SLC35F4: variants seen among roughly 807,000 people sequenced by gnomAD.
SLC35F4 encodes solute carrier family 35 member F4, also known as chromosome 14 open reading frame 36.
A neutral mutation model predicts 44.2 loss-of-function variants in SLC35F4; 24 were observed. The observed-to-expected ratio is 0.54, with a 90% confidence interval of 0.39 to 0.76. The LOEUF is 0.76. SLC35F4 is among the 30% of genes least tolerant of loss of function. The pLI is 0.00. For synonymous variants in SLC35F4, 238 were observed against 223.6 expected, an observed-to-expected ratio of 1.06 and a Z score of -0.57; for missense variants, 562 against 586.1, an observed-to-expected ratio of 0.96 and a Z score of 0.42.
At chr14:57,887,216 G>A (rs1293936125) in intron 1 of SLC35F4, among the ~76,000 whole-genome samples, 1 of 152,220 alleles carries the variant, frequency 6.6e-6, no homozygotes, top group Non-Finnish European at 1.5e-5. Flanking sequence ...GTAGTGCTAA[G>A]AGAGATGGTT....
chr14:57,645,262 G>A (rs1225323478), intron 1 of SLC35F4, among the ~76,000 whole-genome samples: 1 of 152,172 alleles, frequency 6.6e-6, no homozygotes, highest in Non-Finnish European at 1.5e-5. Flanking sequence ...AGCATGGAAT[G>A]TTCTTCCTTT....
At chr14:57,753,607 TTCAGGGAAACCA>T in intron 1 of SLC35F4, among the ~76,000 whole-genome samples, 1 of 152,274 alleles carries the variant, frequency 6.6e-6, no homozygotes, top group Middle Eastern at 3.4e-3. Flanking sequence ...ACTCTCAAAC[TTCAGGGAAACCA>T]TGTAAAACTC....
intron 1 of SLC35F4, among the ~76,000 whole-genome samples, chr14:57,838,103 C>T (rs1885119182): frequency 6.6e-6 from 1 of 152,098 alleles, no homozygotes; most frequent in African/African-American, 2.4e-5. Flanking sequence ...ATGTCCTTAG[C>T]AACACAGAGG....
At chr14:57,701,978 T>C (rs1259768601) in intron 1 of SLC35F4, among the ~76,000 whole-genome samples, 1 of 152,102 alleles carries the variant, frequency 6.6e-6, no homozygotes, top group Non-Finnish European at 1.5e-5. Flanking sequence ...AGACTAAATA[T>C]GCAATAGTAA....
Position 57,802,908 on chromosome 14 carries a change from A to G in SLC35F4, c.103+62815T>C, listed in dbSNP as rs1467769847. Among the ~76,000 whole-genome samples, 18 of 151,052 alleles carry G rather than the reference A, an allele frequency of 1.2e-4. No individual in the cohort carries two copies. In the East Asian group the frequency reaches 2.4e-3, roughly 20 times the overall value. ...CATTTCTACTGAAACTATTCCAAAA[A>G]GTTGAAAAGGAAGGACTCCTTCTTA... On this transcript the variant is annotated intron_variant, in intron 1 of 7. Coordinates refer to ENST00000556826, the MANE Select transcript of SLC35F4 (RefSeq NM_001306087.2).
chr14:57,763,858 A>G (rs4901814), intron 1 of SLC35F4, among the ~76,000 whole-genome samples: 27,358 of 152,116 alleles, frequency 0.18, 2,581 homozygotes, highest in Middle Eastern at 0.22. Flanking sequence ...TGTTACCAAG[A>G]AGTGTTATCT....
At chr14:57,865,058 A>ACCCC (rs71104589) in intron 1 of SLC35F4, among the ~76,000 whole-genome samples, 13 of 125,112 alleles carry the variant, frequency 1.0e-4, no homozygotes, top group Admixed American at 1.7e-4. Context: ...CCCTTCTCAG[A>ACCCC]CCCCCCCCCC....
At chr14:57,961,041 A>T (rs1890330182) in intron 1 of SLC35F4, among the ~76,000 whole-genome samples, 1 of 152,142 alleles carries the variant, frequency 6.6e-6, no homozygotes, top group Admixed American at 6.5e-5. Flanking sequence ...ATGGACCCCC[A>T]ACTCAGGCTC....
chr14:57,600,529 A>G (rs2139975103), intron 1 of SLC35F4, among the ~76,000 whole-genome samples: 1 of 149,106 alleles, frequency 6.7e-6, no homozygotes. Context: ...CGTCTCTACT[A>G]AAAATACAAA....
intron 3 of SLC35F4, among the ~76,000 whole-genome samples, chr14:57,583,395 TAAG>T (rs2069442334): frequency 6.6e-6 from 1 of 152,234 alleles, no homozygotes; most frequent in Admixed American, 6.5e-5. Context: ...ACACATTTAT[TAAG>T]AACCACAACA....
chr14:57,598,234 T>C (rs2070607253), intron 1 of SLC35F4, among the ~76,000 whole-genome samples: 1 of 152,322 alleles, frequency 6.6e-6, no homozygotes, highest in South Asian at 2.1e-4. Context: ...CTGAAGCTCC[T>C]ACACTTTCAA....
intron 1 of SLC35F4, among the ~76,000 whole-genome samples, chr14:57,645,953 T>C (rs933368846): frequency 1.1e-4 from 16 of 152,172 alleles, no homozygotes; most frequent in African/African-American, 3.4e-4. Flanking sequence ...TGAACCAGCC[T>C]TGCATCCCAG....
At position 57,941,682 on chromosome 14, in the gene SLC35F4, T is replaced by A. The variant is rs866821683; in HGVS notation, n.282+40231A>T. ...ATTGTTCACTTTAAAGTGATTAATT[T>A]TATGTTAGGCTAATTTCAGCTCAAT... On this transcript the variant is annotated intron_variant and non_coding_transcript_variant, in intron 1 of 1. Coordinates refer to the SLC35F4 transcript ENST00000556568. 3.3e-5 allele frequency among the ~76,000 whole-genome samples: 5 copies of A among 152,146 alleles called. No homozygotes were observed. The South Asian group carries it at 1.0e-3, about 32-fold the overall frequency.
At chr14:57,589,613 A>G in intron 2 of SLC35F4, 100 bp from the exon 3 acceptor site, 3 of 1,208,874 alleles carry the variant, frequency 2.5e-6, no homozygotes, top group Non-Finnish European at 3.4e-6. Context: ...CCAAAGAGGC[A>G]GACAGTAGAA....
chr14:57,897,901 T>C (rs1209419502), intron 1 of SLC35F4, among the ~76,000 whole-genome samples: 4 of 152,190 alleles, frequency 2.6e-5, no homozygotes, highest in African/African-American at 9.6e-5. Context: ...TTTAGAAGTT[T>C]CCAGGTATTT....
chr14:57,725,382 G>A (rs1348669873), intron 1 of SLC35F4, among the ~76,000 whole-genome samples: 8 of 152,160 alleles, frequency 5.3e-5, no homozygotes, highest in Non-Finnish European at 4.4e-5. Flanking sequence ...CAGCTACCTC[G>A]TGGCAGGTTG....
intron 1 of SLC35F4, among the ~76,000 whole-genome samples, chr14:57,623,735 G>C (rs984690678): frequency 5.4e-4 from 82 of 152,256 alleles, no homozygotes; most frequent in African/African-American, 2.0e-3. Flanking sequence ...CAGAAACAAA[G>C]ATGTTCTTTG....
At chr14:57,840,366 T>G (rs1372725790) in intron 1 of SLC35F4, among the ~76,000 whole-genome samples, 1 of 152,218 alleles carries the variant, frequency 6.6e-6, no homozygotes, top group Admixed American at 6.5e-5. Flanking sequence ...CATATTGACT[T>G]GAGCTCCAAT....
At chr14:57,605,482 A>G (rs1434167004) in intron 1 of SLC35F4, among the ~76,000 whole-genome samples, 1 of 152,188 alleles carries the variant, frequency 6.6e-6, no homozygotes, top group Non-Finnish European at 1.5e-5. Context: ...TGCAGAAAAA[A>G]TGAAATACTT....
Sources: allele counts gnomAD v4.1 joint callset (sites outside exome capture counted in the v4.1 genomes callset), GRCh38; gene constraint gnomAD v4.1.1; transcripts MANE v1.5; gene names NCBI Gene and HGNC (gene_info 2026-07-23, HGNC 2026-07-21).